Variants in TENM3 observed in about 807,000 individuals in gnomAD.
TENM3 encodes the protein teneurin transmembrane protein 3.
In TENM3, 63 loss-of-function variants were observed where a neutral mutation model predicts 255.1. That is an observed-to-expected ratio of 0.25 (90% CI 0.20 to 0.30). TENM3 has a LOEUF of 0.30. TENM3 is among the 10% of genes least tolerant of loss of function. The pLI, the probability that TENM3 is intolerant of heterozygous loss-of-function variation, is 1.00. For missense variants in TENM3, 2,929 were observed against 3,461.1 expected (o/e 0.85, Z 3.86); for synonymous variants, 1,306 against 1,322.3 (o/e 0.99, Z 0.27).
intron 1 of TENM3, among the ~76,000 whole-genome samples, chr4:182,279,169 CTT>C (rs1760206194): frequency 6.6e-6 from 1 of 152,128 alleles, no homozygotes; most frequent in African/African-American, 2.4e-5. Flanking sequence ...TCCGCAGTGT[CTT>C]TATTTGCTTT....
At chr4:182,262,869 A>G (rs567983025) in intron 1 of TENM3, among the ~76,000 whole-genome samples, 243 of 150,882 alleles carry the variant, frequency 1.6e-3, no homozygotes, top group East Asian at 3.7e-3. Context: ...ACCCACCACC[A>G]CGCCCGGCTA....
At chr4:182,412,447 T>G (rs1301285701) in intron 3 of TENM3, among the ~76,000 whole-genome samples, 1 of 152,148 alleles carries the variant, frequency 6.6e-6, no homozygotes, top group Non-Finnish European at 1.5e-5. Context: ...ATAAATAAAA[T>G]TAATGCTGTG....
chr4:181,555,041 G>C, the TENM3 span, among the ~76,000 whole-genome samples: 1 of 152,274 alleles, frequency 6.6e-6, no homozygotes, highest in African/African-American at 2.4e-5. Flanking sequence ...ATTTTCCATA[G>C]TACAGTGTAT....
At chr4:182,285,120 G>C (rs749036930) in intron 1 of TENM3, among the ~76,000 whole-genome samples, 2 of 151,960 alleles carry the variant, frequency 1.3e-5, no homozygotes, top group Non-Finnish European at 2.9e-5. Context: ...GTTGGTCTTG[G>C]GTTTCTACTT....
intron 7 of TENM3, among the ~76,000 whole-genome samples, chr4:182,674,056 G>A (rs949374143): frequency 3.3e-5 from 5 of 152,056 alleles, no homozygotes; most frequent in South Asian, 2.1e-4. Flanking sequence ...CAACTATTAC[G>A]TTAGTACATA....
the TENM3 span, among the ~76,000 whole-genome samples, chr4:181,694,886 T>A: frequency 6.6e-6 from 1 of 152,206 alleles, no homozygotes; most frequent in South Asian, 2.1e-4. Flanking sequence ...CTATCCACTT[T>A]AGTATTATTC....
the TENM3 span, among the ~76,000 whole-genome samples, chr4:182,024,564 T>C: frequency 2.0e-5 from 3 of 152,318 alleles, no homozygotes; most frequent in East Asian, 5.8e-4. Flanking sequence ...TTTTAATTTA[T>C]GTGGGTACAT....
At chr4:182,545,165 G>T (rs1040123498) in intron 3 of TENM3, among the ~76,000 whole-genome samples, 3 of 152,158 alleles carry the variant, frequency 2.0e-5, no homozygotes, top group African/African-American at 7.2e-5. Context: ...ACAGAGCTAT[G>T]AGTCTATCAC....
the TENM3 span, among the ~76,000 whole-genome samples, chr4:181,550,609 C>T: frequency 2.6e-5 from 4 of 152,140 alleles, no homozygotes. Flanking sequence ...CATGAAATGA[C>T]TGGCATTAAA....
intron 3 of TENM3, among the ~76,000 whole-genome samples, chr4:182,460,819 T>A (rs1408153597): frequency 2.0e-5 from 3 of 152,196 alleles, no homozygotes; most frequent in Non-Finnish European, 4.4e-5. Flanking sequence ...TTAGTCATGA[T>A]TAGTGTAAAA....
At chr4:182,087,236 G>T in the TENM3 span, among the ~76,000 whole-genome samples, 1 of 152,302 alleles carries the variant, frequency 6.6e-6, no homozygotes, top group East Asian at 1.9e-4. Flanking sequence ...CTAATTAAAA[G>T]AAGGGTTCAT....
intron 4 of TENM3, among the ~76,000 whole-genome samples, chr4:182,609,598 T>G (rs560989782): frequency 1.3e-5 from 2 of 152,338 alleles, no homozygotes; most frequent in East Asian, 3.9e-4. Context: ...TCTGAACCAC[T>G]TGAAATACTG....
the TENM3 span, among the ~76,000 whole-genome samples, chr4:181,943,602 G>A: frequency 2.0e-5 from 3 of 152,216 alleles, no homozygotes; most frequent in East Asian, 5.8e-4. Context: ...TATTTAATCT[G>A]TTTCTTTGAT....
At position 182,174,459 on chromosome 4, in the gene TENM3, CTTCTT is replaced by C. The variant is rs1328268237; in HGVS notation, c.-76+29706_-76+29710del. Among the ~76,000 whole-genome samples, 42 of 124,252 alleles carry C rather than the reference CTTCTT, an allele frequency of 3.4e-4. 1 individual carries two copies. Among genetic ancestry groups the C allele is most frequent in the African/African-American group, 1.2e-3 (40 of 32,886 alleles). The allele number at this position is 124,252 out of a possible 152,430, so 81.5% of individuals were successfully genotyped here. On this transcript the variant is annotated intron_variant, in intron 1 of 2. Coordinates refer to the TENM3 transcript ENST00000512480. ...ACTCTTTTTGTGTTTTTTTTTTTCT[CTTCTT>C]CTGATTTCATCTAAGGAAAGCTTCC...
At chr4:182,469,990 C>T (rs1732963038) in intron 3 of TENM3, among the ~76,000 whole-genome samples, 1 of 152,062 alleles carries the variant, frequency 6.6e-6, no homozygotes, top group Non-Finnish European at 1.5e-5. Flanking sequence ...CCAGCGGGGA[C>T]AGGGCCATTT....
chr4:182,766,121 CTG>C (rs1737143181), intron 22 of TENM3, among the ~76,000 whole-genome samples: 1 of 152,114 alleles, frequency 6.6e-6, no homozygotes, highest in Non-Finnish European at 1.5e-5. Flanking sequence ...GGTGTGGGGT[CTG>C]TGTACGGCTG....
chr4:182,621,017 T>G (rs962171028), intron 4 of TENM3, among the ~76,000 whole-genome samples: 1 of 152,078 alleles, frequency 6.6e-6, no homozygotes, highest in African/African-American at 2.4e-5. Flanking sequence ...TCGTCTCTAC[T>G]GAAAACACAA....
intron 5 of TENM3, among the ~76,000 whole-genome samples, chr4:182,651,269 A>C (rs1283154871): frequency 2.0e-5 from 3 of 152,242 alleles, no homozygotes; most frequent in African/African-American, 7.2e-5. Context: ...AAAATGTATG[A>C]TGTGATAAGT....
chr4:182,744,210 T>C, intron 19 of TENM3: 1 of 924,706 alleles, frequency 1.1e-6, no homozygotes, highest in Non-Finnish European at 1.3e-6. Flanking sequence ...AATATCCTTT[T>C]TACATTTCAA....
Sources: gnomAD v4.1 joint callset for allele counts (sites outside exome capture counted in the v4.1 genomes callset) on GRCh38, gnomAD v4.1.1 for gene constraint, MANE v1.5 for transcripts, NCBI Gene and HGNC (gene_info 2026-07-23, HGNC 2026-07-21) for gene names.